The following CPED1 variants were observed in gnomAD, a reference collection of about 807,000 sequenced individuals.
CPED1 encodes cadherin like and PC-esterase domain containing 1, also known as cadherin-like and PC-esterase domain-containing protein 1.
A neutral mutation model predicts 128.2 loss-of-function variants in CPED1; 114 were observed. That is an observed-to-expected ratio of 0.89 (90% CI 0.76 to 1.04). The LOEUF (loss-of-function observed/expected upper bound fraction) is 1.04, where lower values mean the gene tolerates loss of function less well. CPED1 is among the 50% of genes least tolerant of loss of function. The pLI, the probability that CPED1 is intolerant of heterozygous loss-of-function variation, is 0.00. For missense variants in CPED1, 1,211 were observed against 1,207.1 expected (o/e 1.00, Z -0.05); for synonymous variants, 462 against 426.7 (o/e 1.08, Z -1.02).
At chr7:121,125,973 T>C in intron 9 of CPED1, 81 bp downstream of exon 9, 1 of 1,026,112 alleles carries the variant, frequency 9.7e-7, no homozygotes, top group Non-Finnish European at 1.5e-6. Flanking sequence ...GTTGTTTTCA[T>C]TCATAGTAAC....
At chr7:121,046,833 C>A in intron 3 of CPED1, 54 bp from the exon 4 acceptor site, 2 of 1,162,802 alleles carry the variant, frequency 1.7e-6, no homozygotes, top group Non-Finnish European at 2.5e-6. Flanking sequence ...TTAAATATTG[C>A]TTTTAAAATA....
chr7:121,102,136 C>T (rs1452816366), intron 7 of CPED1, among the ~76,000 whole-genome samples: 3 of 151,952 alleles, frequency 2.0e-5, no homozygotes, highest in African/African-American at 7.3e-5. Context: ...CCTCTTTGTT[C>T]TTTTTAATGA....
intron 16 of CPED1, among the ~76,000 whole-genome samples, chr7:121,163,893 A>G (rs1482098997): frequency 6.6e-6 from 1 of 152,214 alleles, no homozygotes. Context: ...GTATCCCAAG[A>G]ATAGACTCAT....
chr7:121,230,980 A>G (rs940446704), intron 16 of CPED1, among the ~76,000 whole-genome samples: 4 of 152,064 alleles, frequency 2.6e-5, no homozygotes, highest in Admixed American at 6.6e-5. Flanking sequence ...ACAGATGACT[A>G]TGTGTCTGGA....
intron 4 of CPED1, among the ~76,000 whole-genome samples, chr7:121,058,488 C>T (rs1793561193): frequency 6.6e-6 from 1 of 152,168 alleles, no homozygotes; most frequent in African/African-American, 2.4e-5. Flanking sequence ...CTCCTTACTG[C>T]TTGCCAGGCA....
intron 3 of CPED1, among the ~76,000 whole-genome samples, chr7:121,032,647 C>G (rs1792764459): frequency 6.6e-6 from 1 of 151,732 alleles, no homozygotes; most frequent in Non-Finnish European, 1.5e-5. Context: ...AGCAAACCAC[C>G]ACGGCACATG....
At chr7:121,066,748 C>T (rs1287591544) in intron 5 of CPED1, among the ~76,000 whole-genome samples, 2 of 152,062 alleles carry the variant, frequency 1.3e-5, no homozygotes, top group Non-Finnish European at 2.9e-5. Flanking sequence ...AGCACATGTA[C>T]CAGTTCACTG....
At chr7:121,284,813 C>T (rs922196843) in intron 22 of CPED1, among the ~76,000 whole-genome samples, 11 of 152,182 alleles carry the variant, frequency 7.2e-5, no homozygotes, top group African/African-American at 1.7e-4. Flanking sequence ...TACAGGATGG[C>T]GTTGAGTGTC....
intron 3 of CPED1, among the ~76,000 whole-genome samples, chr7:121,034,231 C>T (rs1440715130): frequency 6.9e-6 from 1 of 145,392 alleles, no homozygotes; most frequent in Admixed American, 7.2e-5. Flanking sequence ...TATAGCCAGA[C>T]ATCAAGTTTT....
At chr7:121,177,307 G>A (rs1351167480) in intron 16 of CPED1, among the ~76,000 whole-genome samples, 3 of 151,914 alleles carry the variant, frequency 2.0e-5, no homozygotes, top group Admixed American at 1.3e-4. Flanking sequence ...GTGTGTGTTC[G>A]TGTGTGCAGT....
intron 15 of CPED1, 97 bp from the exon 16 acceptor site, chr7:121,141,876 C>A: frequency 2.3e-6 from 2 of 881,302 alleles, no homozygotes; most frequent in Non-Finnish European, 3.5e-6. Flanking sequence ...GTTATTTATT[C>A]AAATAGGTAT....
At chr7:121,130,525 A>G (rs1361568428) in intron 12 of CPED1, among the ~76,000 whole-genome samples, 5 of 152,020 alleles carry the variant, frequency 3.3e-5, no homozygotes, top group Non-Finnish European at 5.9e-5. Context: ...ACAAGACTTG[A>G]CTCCACTATA....
chr7:121,217,900 T>TGC (rs1392101940), intron 16 of CPED1, among the ~76,000 whole-genome samples: 1 of 152,060 alleles, frequency 6.6e-6, no homozygotes, highest in Non-Finnish European at 1.5e-5. Flanking sequence ...CCTGTGTGTG[T>TGC]GCCTGTGTAG....
chr7:121,007,230 C>CTT lies in CPED1; in HGVS notation c.250-8435_250-8434insTT, dbSNP rs147867549. Reference sequence around the variant, plus strand: ...AAGCGTTGCGAAACTGTTCAGGTTGCATTTTTTTTTTTTTTTTTTGTCTTG... The same window carrying CTT: ...AAGCGTTGCGAAACTGTTCAGGTTGCTTATTTTTTTTTTTTTTTTTTGTCTTG... On this transcript the variant is annotated intron_variant, in intron 2 of 22. Coordinates refer to ENST00000310396, the MANE Select transcript of CPED1 (RefSeq NM_024913.5). 5.4e-3 allele frequency among the ~76,000 whole-genome samples: 624 copies of CTT among 115,820 alleles called. 15 individuals are homozygous for CTT. The highest frequency in any genetic ancestry group is 0.012 in the East Asian group (44 of 3,788). The allele number at this position is 115,820 out of a possible 152,430, so 76.0% of individuals were successfully genotyped here. A position where few individuals can be genotyped will look rare whatever the true frequency, so the allele number is the denominator to read the frequency against.
chr7:121,258,253 T>C (rs1791929456), intron 18 of CPED1, among the ~76,000 whole-genome samples: 1 of 152,120 alleles, frequency 6.6e-6, no homozygotes, highest in Non-Finnish European at 1.5e-5. Flanking sequence ...TGTTCATTCA[T>C]TCAATGTTTG....
chr7:121,160,397 G>A (rs930905227), intron 16 of CPED1, among the ~76,000 whole-genome samples: 1 of 152,266 alleles, frequency 6.6e-6, no homozygotes, highest in Non-Finnish European at 1.5e-5. Flanking sequence ...GATAGAGAGC[G>A]AGAAGAGGTG....
At chr7:121,033,836 C>A (rs1208365799) in intron 3 of CPED1, among the ~76,000 whole-genome samples, 2 of 152,094 alleles carry the variant, frequency 1.3e-5, no homozygotes, top group African/African-American at 4.8e-5. Context: ...TTTTCTCAAG[C>A]CTTAATTCTC....
At chr7:121,275,214 G>T (rs798907) in intron 22 of CPED1, among the ~76,000 whole-genome samples, 76,128 of 151,948 alleles carry the variant, frequency 0.5, 22,317 homozygotes, top group African/African-American at 0.82. Context: ...TAGGTGAGAT[G>T]AAAGATCTTG....
chr7:121,097,592 C>T lies in CPED1; in HGVS notation c.617-107C>T, dbSNP rs549525237. ...TTCAGAATGGGGAGAAAAATGGTTG[C>T]ATATTTCTCATGTACCCTGCAGTTT... On this transcript the variant is annotated intron_variant, in intron 5 of 22. Coordinates refer to ENST00000310396, the MANE Select transcript of CPED1 (RefSeq NM_024913.5). 8.2e-5 allele frequency: 101 copies of T among 1,233,568 alleles called. 1 individual carries two copies. The South Asian group carries it at 1.4e-3, about 18-fold the overall frequency. 76.4% of individuals were successfully genotyped at this position (1,233,568 alleles called of 1,614,324 possible).
Sources: allele counts gnomAD v4.1 joint callset (sites outside exome capture counted in the v4.1 genomes callset), GRCh38; gene constraint gnomAD v4.1.1; transcripts MANE v1.5; gene names NCBI Gene and HGNC (gene_info 2026-07-23, HGNC 2026-07-21).